The following WDR93 variants were observed in gnomAD, a reference collection of about 807,000 sequenced individuals.
WDR93 encodes the protein WD repeat domain 93.
Under a neutral mutation model 82.9 loss-of-function variants are expected in WDR93, and 73 were observed. The ratio of observed to expected loss-of-function variants is 0.88; its 90% CI spans 0.73 to 1.07. WDR93 has a LOEUF of 1.07. Ranked by LOEUF, WDR93 falls within the 50% of genes least tolerant of loss-of-function variation. WDR93 has a pLI of 0.00. For missense variants in WDR93, 738 were observed against 826.0 expected (o/e 0.89, Z 1.31); for synonymous variants, 283 against 300.1 (o/e 0.94, Z 0.59).
chr15:89,730,855 C>T (rs1052177092), intron 11 of WDR93, among the ~76,000 whole-genome samples: 1 of 151,804 alleles, frequency 6.6e-6, no homozygotes, highest in African/African-American at 2.4e-5. Flanking sequence ...CACTGCACTC[C>T]AGCCTGGGTG....
intron 16 of WDR93, 103 bp from the exon 17 acceptor site, chr15:89,743,189 A>C: frequency 8.8e-7 from 1 of 1,131,444 alleles, no homozygotes. Flanking sequence ...GTGTCCTCTT[A>C]GAGTTTCTCA....
At chr15:89,701,485 A>G (rs1260240873) in intron 1 of WDR93, among the ~76,000 whole-genome samples, 2 of 152,178 alleles carry the variant, frequency 1.3e-5, no homozygotes, top group African/African-American at 2.4e-5. Context: ...TTCTTAGTAC[A>G]CATCATCTAG....
At chr15:89,697,129 T>A (rs1819533982) in intron 1 of WDR93, among the ~76,000 whole-genome samples, 3 of 152,196 alleles carry the variant, frequency 2.0e-5, no homozygotes, top group South Asian at 2.1e-4. Context: ...AGTGGTTTTT[T>A]AAAATTCCTT....
chr15:89,704,745 G>A (rs1178342079), intron 3 of WDR93: 1 of 152,228 alleles, frequency 6.6e-6, no homozygotes, highest in East Asian at 1.9e-4. Flanking sequence ...AAGGAGTTTA[G>A]TGTAAAGATA....
At chr15:89,721,330 G>A (rs2141660416) in intron 7 of WDR93, 1 of 152,304 alleles carries the variant, frequency 6.6e-6, no homozygotes, top group African/African-American at 2.4e-5. Flanking sequence ...GCAGAAGCAG[G>A]AGGATCACAG....
Position 89,694,493 on chromosome 15 carries a change from C to G in WDR93, c.-41+3636C>G, listed in dbSNP as rs576437935. 2.0e-5 allele frequency among the ~76,000 whole-genome samples: 3 copies of G among 152,186 alleles called. No homozygotes were observed. In the East Asian group the frequency reaches 5.8e-4, roughly 29 times the overall value. ...CTCATGATCTGCCCGCCTTGGCCTC[C>G]CAAAGTGCTGGGATTACAGGCGTGA... On this transcript the variant is annotated intron_variant, in intron 1 of 16. Transcript: ENST00000268130.
chr15:89,737,695 T>C lies in WDR93; in HGVS notation c.1731T>C (p.Ala577=). Residue 577 remains alanine (A), a synonymous_variant, in exon 15 of 17, where the codon GCT becomes GCC. Coordinates refer to ENST00000268130, the MANE Select transcript of WDR93 (RefSeq NM_020212.2). Reference sequence around the variant, plus strand: ...AGGTCCCCTGGAAGCCAGTGTTTGCTGTGTCTCCAGACCATCCATGTTTCC... The same window carrying C: ...AGGTCCCCTGGAAGCCAGTGTTTGCCGTGTCTCCAGACCATCCATGTTTCC... ...PLEVPWKPVF[A]VSPDHPCFLL... The C allele has an allele frequency of 2.5e-6, 4 of 1,614,196 alleles. No individual in the cohort carries two copies. The highest frequency in any genetic ancestry group is 3.4e-6 in the Non-Finnish European group (4 of 1,180,034).
chr15:89,741,321 C>A (rs1967655649), intron 16 of WDR93, among the ~76,000 whole-genome samples: 1 of 152,046 alleles, frequency 6.6e-6, no homozygotes, highest in African/African-American at 2.4e-5. Flanking sequence ...GCCTTGACTT[C>A]CCGGGCTCAG....
chr15:89,737,160 G>A (rs938210888), intron 14 of WDR93, among the ~76,000 whole-genome samples: 2 of 152,200 alleles, frequency 1.3e-5, no homozygotes, highest in Non-Finnish European at 1.5e-5. Flanking sequence ...AGGCAAGAGA[G>A]CATCCCCAGC....
In WDR93 at chr15:89,736,952, A is replaced by C. The variant is rs567348208; in HGVS notation, c.1609-621A>C. ...GACTACAGGTGCCCGCTAGCACGCC[A>C]GGCTAATTTTTTGTATTTTTAGTAG... is the stretch of plus-strand genomic sequence containing the variant. On this transcript the variant is annotated intron_variant, in intron 14 of 16. Coordinates refer to ENST00000268130, the MANE Select transcript of WDR93 (RefSeq NM_020212.2). Among the ~76,000 whole-genome samples the C allele has an allele frequency of 4.7e-3, 716 of 152,180 alleles. 6 individuals carry two copies. The highest frequency in any genetic ancestry group is 0.016 in the African/African-American group (671 of 41,536).
chr15:89,730,260 G>T (rs1966848558), intron 11 of WDR93, among the ~76,000 whole-genome samples: 1 of 151,376 alleles, frequency 6.6e-6, no homozygotes, highest in South Asian at 2.1e-4. Context: ...GGGAGGCAGA[G>T]GTTGCAGTGA....
intron 9 of WDR93, among the ~76,000 whole-genome samples, chr15:89,728,213 A>C (rs969435263): frequency 4.6e-5 from 7 of 152,188 alleles, no homozygotes; most frequent in Non-Finnish European, 8.8e-5. Context: ...TAATTATTAT[A>C]ATATATGACT....
chr15:89,743,072 T>C (rs186114836), intron 16 of WDR93, among the ~76,000 whole-genome samples: 1 of 152,228 alleles, frequency 6.6e-6, no homozygotes. Flanking sequence ...TCTACCCACA[T>C]GCACCTCACA....
chr15:89,736,695 G>A (rs1444207885), intron 14 of WDR93, among the ~76,000 whole-genome samples: 3 of 152,098 alleles, frequency 2.0e-5, no homozygotes, highest in Non-Finnish European at 2.9e-5. Context: ...GGAGACAGAC[G>A]CAGGAGGTGG....
intron 2 of WDR93, among the ~76,000 whole-genome samples, chr15:89,702,557 G>T (rs936294458): frequency 7.3e-6 from 1 of 136,922 alleles, no homozygotes; most frequent in East Asian, 2.0e-4. Context: ...GTTTTTTTTT[G>T]AGATAGAGTT....
chr15:89,729,045 C>T lies in WDR93; in HGVS notation c.1075C>T (p.Leu359Phe), dbSNP rs772510220. 9 of 1,614,090 alleles carry T rather than the reference C, an allele frequency of 5.6e-6. No homozygotes were observed. In the African/African-American group the frequency reaches 8.0e-5, roughly 14 times the overall value. ...PLSTATFYFL[L>F]PSCLFAMPPE... ...CAGTACGGCCACCTTCTATTTCCTTCTTCCTAGCTGCCTATTTGCAATGCC... is the reference window on the plus strand; with the variant it reads ...CAGTACGGCCACCTTCTATTTCCTTTTTCCTAGCTGCCTATTTGCAATGCC... The change falls in exon 10 of 17, where the codon CTT becomes TTT. Residue 359 changes from leucine (L) to phenylalanine (F), a missense_variant. By Grantham distance (22) the Leu-to-Phe change is conservative. Coordinates refer to ENST00000268130, the MANE Select transcript of WDR93 (RefSeq NM_020212.2).
chr15:89,722,243 TACAA>T, intron 8 of WDR93, 104 bp downstream of exon 8: 2 of 997,640 alleles, frequency 2.0e-6, no homozygotes, highest in Non-Finnish European at 1.5e-6. Flanking sequence ...ATATCAAAAT[TACAA>T]ACATAGTTAT....
chr15:89,712,256 C>T (rs1406213811), intron 5 of WDR93, 152 bp downstream of exon 5: 3 of 617,574 alleles, frequency 4.9e-6, no homozygotes, highest in East Asian at 6.0e-5. Flanking sequence ...TTATGCCCTT[C>T]ACCCAGCTTC....
At chr15:89,743,127 A>C (rs1967807190) in intron 16 of WDR93, among the ~76,000 whole-genome samples, 165 bp from the exon 17 acceptor site, 1 of 152,200 alleles carries the variant, frequency 6.6e-6, no homozygotes, top group Non-Finnish European at 1.5e-5. Context: ...AGGCCTTCTG[A>C]GCACCTGCTG....
Sources: gnomAD v4.1 joint callset for allele counts (sites outside exome capture counted in the v4.1 genomes callset) on GRCh38, gnomAD v4.1.1 for gene constraint, MANE v1.5 for transcripts, NCBI Gene and HGNC (gene_info 2026-07-23, HGNC 2026-07-21) for gene names.